MYL2: variants seen among roughly 807,000 people sequenced by gnomAD.
MYL2 encodes the protein myosin light chain 2.
Under a neutral mutation model 23.0 loss-of-function variants are expected in MYL2, and 19 were observed. The ratio of observed to expected loss-of-function variants is 0.83; its 90% CI spans 0.58 to 1.21. The LOEUF (loss-of-function observed/expected upper bound fraction) is 1.21, where lower values mean the gene tolerates loss of function less well. Among genes scored for constraint, MYL2 ranks in the 50% most tolerant of loss-of-function variants. The pLI, the probability that MYL2 is intolerant of heterozygous loss-of-function variation, is 0.00. For missense variants in MYL2, 180 were observed against 215.1 expected (o/e 0.84, Z 1.02); for synonymous variants, 78 against 76.2 (o/e 1.02, Z -0.13).
intron 2 of MYL2, among the ~76,000 whole-genome samples, chr12:110,916,279 T>C (rs1480408545): frequency 6.6e-6 from 1 of 152,222 alleles, no homozygotes; most frequent in African/African-American, 2.4e-5. Flanking sequence ...GAGCTTGCAG[T>C]GAGCTGAGAT....
At chr12:110,913,750 TG>T (rs1168422161) in intron 4 of MYL2, among the ~76,000 whole-genome samples, 27 of 151,956 alleles carry the variant, frequency 1.8e-4, no homozygotes, top group Admixed American at 7.2e-4. Flanking sequence ...GCTGTGTTTT[TG>T]TTTTGTTTTG....
chr12:110,920,740 A>G, upstream of MYL2: 1 of 668,358 alleles, frequency 1.5e-6, no homozygotes, highest in South Asian at 1.8e-5. Flanking sequence ...ACTGGGTGAC[A>G]CGTGAGCCCC....
upstream of MYL2, chr12:110,920,686 C>T: frequency 9.6e-7 from 1 of 1,043,500 alleles, no homozygotes; most frequent in Non-Finnish European, 1.5e-6. Context: ...CTAAGGCCCC[C>T]CCACCCCATG....
chr12:110,916,925 T>C (rs145633567), intron 2 of MYL2, among the ~76,000 whole-genome samples: 19 of 152,286 alleles, frequency 1.2e-4, no homozygotes, highest in Non-Finnish European at 1.9e-4. Context: ...CTCGGCTCAC[T>C]GTAACCTCCG....
At position 110,913,242 on chromosome 12, in the gene MYL2, T is replaced by G. The variant is rs757267554; in HGVS notation, c.353+4A>C. On this transcript the variant is annotated splice_donor_region_variant and intron_variant, in intron 5 of 6. Transcript: ENST00000228841. The stretch of plus-strand genomic sequence containing the variant: ...CCCCTTCCTCCCCCACAGACCCCAC[T>G]CACTAATCAGCCTTCAGCACCCCTT... 1.1e-5 allele frequency: 18 copies of G among 1,614,198 alleles called. No individual in the cohort carries two copies. The highest frequency in any genetic ancestry group is 1.5e-5 in the Non-Finnish European group (18 of 1,180,030).
intron 3 of MYL2, 27 bp downstream of exon 3, chr12:110,915,688 C>T (rs991715562): frequency 6.2e-7 from 1 of 1,608,680 alleles, no homozygotes; most frequent in African/African-American, 1.3e-5. Context: ...AAGAGACCCT[C>T]ATGCAGGGCT....
intron 4 of MYL2, among the ~76,000 whole-genome samples, chr12:110,913,800 C>T (rs1052620792): frequency 3.3e-5 from 5 of 152,098 alleles, no homozygotes; most frequent in Non-Finnish European, 5.9e-5. Context: ...TTACCAAGGC[C>T]GGAGTGCAGT....
chr12:110,914,003 C>T (rs1309044523), intron 4 of MYL2, among the ~76,000 whole-genome samples, 183 bp downstream of exon 4: 4 of 152,118 alleles, frequency 2.6e-5, no homozygotes, highest in South Asian at 2.1e-4. Context: ...GTGATCTGCC[C>T]GCCTCGGCCT....
intron 3 of MYL2, 48 bp downstream of exon 3, chr12:110,915,667 G>A: frequency 6.4e-7 from 1 of 1,568,286 alleles, no homozygotes; most frequent in African/African-American, 1.4e-5. Flanking sequence ...GCTCCTCATG[G>A]ATGTGAGATA....
rs111525522 is a variant in MYL2, at chr12:110,919,406, T to C, written c.4-213A>G. ...TTTCTCCAGAGCCCTCTGGTACCAG[T>C]GGATCATAAGCGTTTGTGCATCTTG... On this transcript the variant is annotated intron_variant, in intron 1 of 6. Transcript: ENST00000228841. 8.3e-3 allele frequency among the ~76,000 whole-genome samples: 1,267 copies of C among 152,218 alleles called. 5 individuals carry two copies. Among genetic ancestry groups the C allele is most frequent in the Middle Eastern group, 0.024 (7 of 294 alleles).
intron 4 of MYL2, 49 bp downstream of exon 4, chr12:110,914,137 G>A: frequency 7.2e-7 from 1 of 1,385,778 alleles, no homozygotes; most frequent in Non-Finnish European, 1.0e-6. Flanking sequence ...CCCCCCCGAA[G>A]AAACATAGAC....
rs866041854 is a variant in MYL2 at position 110,914,253 on chromosome 12, C to A, written c.207G>T (p.Met69Ile). 2 of 1,614,048 alleles carry A rather than the reference C, an allele frequency of 1.2e-6. No individual in the cohort carries two copies. Among genetic ancestry groups the A allele is most frequent in the Non-Finnish European group, 1.7e-6 (2 of 1,180,012 alleles). The change falls in exon 4 of 7, where the codon ATG (methionine) becomes ATT (isoleucine). Residue 69 changes from methionine (M) to isoleucine (I), a missense_variant. By Grantham distance (10) the Met-to-Ile change is conservative. Coordinates refer to ENST00000228841, the MANE Select transcript of MYL2 (RefSeq NM_000432.4). ...TAATTGGACCCGGAGCCTCCTTGAT[C>A]ATTTCATCAATTTCTTCATTTTTCA... ...VNVKNEEIDE[M>I]IKEAPGPINF...
At chr12:110,920,187 T>C (rs2071711801) in intron 1 of MYL2, among the ~76,000 whole-genome samples, 1 of 152,216 alleles carries the variant, frequency 6.6e-6, no homozygotes, top group African/African-American at 2.4e-5. Context: ...CCCAGCTGCC[T>C]GAACAAGAGA....
intron 6 of MYL2, among the ~76,000 whole-genome samples, chr12:110,911,568 C>T (rs1333264957): frequency 2.6e-5 from 4 of 152,134 alleles, no homozygotes; most frequent in African/African-American, 9.7e-5. Context: ...CCTGTTCTTC[C>T]TTTCTTGCCC....
At chr12:110,916,993 C>T (rs1180180032) in intron 2 of MYL2, among the ~76,000 whole-genome samples, 3 of 151,980 alleles carry the variant, frequency 2.0e-5, no homozygotes, top group African/African-American at 7.3e-5. Flanking sequence ...GGAGTATAGA[C>T]GCGCATCACC....
rs2071701726 is a variant in MYL2, at chr12:110,918,767, A to G, written c.93+337T>C. The G allele has an allele frequency of 4.0e-6, 1 of 251,760 alleles. No individual in the cohort carries two copies. Among genetic ancestry groups the G allele is most frequent in the Non-Finnish European group, 7.8e-6 (1 of 128,910 alleles). 15.6% of individuals were successfully genotyped at this position (251,760 alleles called of 1,614,324 possible). On this transcript the variant is annotated intron_variant, in intron 2 of 6. Coordinates refer to ENST00000228841, the MANE Select transcript of MYL2 (RefSeq NM_000432.4). This position sits in a 1 kb window ranked among gnomAD's most constrained non-coding sequence, Gnocchi z 4.4. ...ATAATTTTGTTTAATAAATATATAC[A>G]TAGATAACAAAAATGGTTTGAAGGG... is the stretch of plus-strand genomic sequence containing the variant.
Position 110,919,165 on chromosome 12 carries a change from C to G in MYL2, c.32G>C (p.Gly11Ala), listed in dbSNP as rs1216149609. MAPKKAKKRA[G>A]GANSNVFSMF... Reference sequence around the variant, plus strand: ...GGAGAACACGTTGGAGTTGGCGCCCCCGGCTCTCTTCTTTGCTTTCTTAGG... The same window carrying G: ...GGAGAACACGTTGGAGTTGGCGCCCGCGGCTCTCTTCTTTGCTTTCTTAGG... Residue 11 changes from glycine (G) to alanine (A), a missense_variant, in exon 2 of 7, where the codon GGG becomes GCG. Transcript: ENST00000228841. The G allele has an allele frequency of 6.2e-7, 1 of 1,613,702 alleles. No individual in the cohort carries two copies. Among genetic ancestry groups the G allele is most frequent in the Admixed American group, 1.7e-5 (1 of 60,008 alleles).
upstream of MYL2, chr12:110,920,597 G>A (rs908586514): frequency 3.0e-5 from 49 of 1,612,002 alleles, no homozygotes; most frequent in Non-Finnish European, 4.0e-5. Flanking sequence ...TGCAGCCCAG[G>A]AACAATAAAT....
intron 4 of MYL2, 51 bp from the exon 5 acceptor site, chr12:110,913,375 G>T: frequency 6.3e-7 from 1 of 1,597,756 alleles, no homozygotes; most frequent in Non-Finnish European, 8.6e-7. Context: ...GGGAACCACT[G>T]GCACCCCAGG....
Sources: gnomAD v4.1 joint callset for allele counts (sites outside exome capture counted in the v4.1 genomes callset) on GRCh38, gnomAD v4.1.1 for gene constraint, Gnocchi (gnomAD v3.1) non-coding constraint, MANE v1.5 for transcripts, NCBI Gene and HGNC (gene_info 2026-07-23, HGNC 2026-07-21) for gene names.